The following PPP2R2A variants were observed in gnomAD, a reference collection of about 807,000 sequenced individuals.
PPP2R2A encodes protein phosphatase 2 regulatory subunit Balpha.
A neutral mutation model predicts 53.2 loss-of-function variants in PPP2R2A; 9 were observed. The ratio of observed to expected loss-of-function variants is 0.17; its 90% CI spans 0.10 to 0.30. The LOEUF (loss-of-function observed/expected upper bound fraction) is 0.30. Among genes scored for constraint, PPP2R2A ranks in the 10% least tolerant of loss-of-function variants. The probability of loss-of-function intolerance (pLI) is 1.00; values close to 1 mark genes in which losing one functional copy is unlikely to be tolerated. For synonymous variants in PPP2R2A, 169 were observed against 174.2 expected, an observed-to-expected ratio of 0.97 and a Z score of 0.23; for missense variants, 235 against 534.6, an observed-to-expected ratio of 0.44 and a Z score of 5.53.
intron 3 of PPP2R2A, among the ~76,000 whole-genome samples, chr8:26,341,933 C>G (rs1390732073): frequency 1.3e-5 from 2 of 152,182 alleles, no homozygotes; most frequent in African/African-American, 2.4e-5. Context: ...TAGCTAGTCT[C>G]CTTCCTGTGA....
At chr8:26,299,160 G>A (rs1801671634) in intron 2 of PPP2R2A, among the ~76,000 whole-genome samples, 1 of 151,990 alleles carries the variant, frequency 6.6e-6, no homozygotes, top group Non-Finnish European at 1.5e-5. Context: ...TGTAGTCCCA[G>A]CTACTAAGGA....
chr8:26,292,451 G>C (rs1398162803), intron 1 of PPP2R2A: 1 of 983,938 alleles, frequency 1.0e-6, no homozygotes, highest in Non-Finnish European at 1.2e-6. Context: ...TGTACAGCAA[G>C]TTGCATGAAA....
intron 9 of PPP2R2A, among the ~76,000 whole-genome samples, chr8:26,369,043 G>A (rs1188950580): frequency 2.0e-5 from 3 of 150,764 alleles, no homozygotes; most frequent in Non-Finnish European, 3.0e-5. Flanking sequence ...AGGAGGCAGA[G>A]CTTGCAGTGA....
rs190960208 is a variant in PPP2R2A at position 26,308,700 on chromosome 8, T to G, written c.82+14960T>G. Among the ~76,000 whole-genome samples the G allele has an allele frequency of 7.9e-5, 12 of 152,324 alleles. No homozygotes were observed. In the East Asian group the frequency reaches 2.3e-3, roughly 29 times the overall value. On this transcript the variant is annotated intron_variant, in intron 2 of 9. Coordinates refer to ENST00000380737, the MANE Select transcript of PPP2R2A (RefSeq NM_002717.4). Reference sequence around the variant, plus strand: ...CCGTGAGTACTGGAATCAGCTCCTTTCAGACTCTTGTCAATGTTGATATTT... The same window carrying G: ...CCGTGAGTACTGGAATCAGCTCCTTGCAGACTCTTGTCAATGTTGATATTT...
At chr8:26,302,370 A>G (rs112811450) in intron 2 of PPP2R2A, among the ~76,000 whole-genome samples, 5 of 152,352 alleles carry the variant, frequency 3.3e-5, no homozygotes, top group African/African-American at 1.2e-4. Context: ...CAGTAGTCAT[A>G]TTAACGAATG....
chr8:26,352,744 A>G (rs915965106), intron 3 of PPP2R2A, among the ~76,000 whole-genome samples: 1 of 152,196 alleles, frequency 6.6e-6, no homozygotes, highest in Admixed American at 6.5e-5. Context: ...GTCTACAGGA[A>G]GATGTTCATG....
At chr8:26,341,934 C>T (rs1294780309) in intron 3 of PPP2R2A, among the ~76,000 whole-genome samples, 1 of 152,166 alleles carries the variant, frequency 6.6e-6, no homozygotes, top group Non-Finnish European at 1.5e-5. Context: ...AGCTAGTCTC[C>T]TTCCTGTGAT....
intron 2 of PPP2R2A, 112 bp downstream of exon 2, chr8:26,293,852 C>T (rs996020203): frequency 1.0e-6 from 1 of 981,772 alleles, no homozygotes; most frequent in Middle Eastern, 2.2e-4. Context: ...ATTTTGTTGT[C>T]CAAGAAATGT....
At chr8:26,301,192 A>G (rs17835198) in intron 2 of PPP2R2A, among the ~76,000 whole-genome samples, 5,989 of 152,258 alleles carry the variant, frequency 0.039, 178 homozygotes, top group South Asian at 0.12. Context: ...AAGGCGTTTG[A>G]TGTTGAACTG....
intron 2 of PPP2R2A, among the ~76,000 whole-genome samples, chr8:26,323,375 C>G (rs1802937152): frequency 6.6e-6 from 1 of 152,162 alleles, no homozygotes; most frequent in Non-Finnish European, 1.5e-5. Context: ...TGGGTGTCCC[C>G]CCATTCAGTT....
chr8:26,343,502 G>A (rs779582069), intron 3 of PPP2R2A, among the ~76,000 whole-genome samples: 2 of 151,674 alleles, frequency 1.3e-5, no homozygotes, highest in Non-Finnish European at 2.9e-5. Flanking sequence ...CTCCTGAGTA[G>A]CTGGGACTAC....
intron 2 of PPP2R2A, among the ~76,000 whole-genome samples, chr8:26,330,956 G>C (rs764271300): frequency 6.6e-6 from 1 of 152,138 alleles, no homozygotes; most frequent in Non-Finnish European, 1.5e-5. Flanking sequence ...TGATTACTAA[G>C]GTGTGACACT....
At chr8:26,316,234 G>C (rs1802549977) in intron 2 of PPP2R2A, among the ~76,000 whole-genome samples, 1 of 152,014 alleles carries the variant, frequency 6.6e-6, no homozygotes, top group East Asian at 1.9e-4. Flanking sequence ...TCTCGAACTT[G>C]TGAGCTCAGG....
chr8:26,300,434 G>T (rs1457604618), intron 2 of PPP2R2A, among the ~76,000 whole-genome samples: 1 of 152,136 alleles, frequency 6.6e-6, no homozygotes, highest in Non-Finnish European at 1.5e-5. Context: ...AAAACTGAAG[G>T]ATTGGAAATA....
Position 26,362,659 on chromosome 8 carries a change from A to T in PPP2R2A, c.638-25A>T. On this transcript the variant is annotated intron_variant, in intron 6 of 9. Coordinates refer to ENST00000380737, the MANE Select transcript of PPP2R2A (RefSeq NM_002717.4). This position sits in a 1 kb window ranked among gnomAD's most constrained non-coding sequence, Gnocchi z 4.4. ...ATATTTGCCCTTTTTTCTAAGTGGA[A>T]ATTCCTTAATAAAATGTTATCTAGA... 6.2e-7 allele frequency: 1 copy of T among 1,604,976 alleles called. No homozygotes were observed. Among genetic ancestry groups the T allele is most frequent in the Non-Finnish European group, 8.5e-7 (1 of 1,174,092 alleles).
At chr8:26,334,030 CTT>C (rs1006792981) in intron 2 of PPP2R2A, among the ~76,000 whole-genome samples, 2 of 152,002 alleles carry the variant, frequency 1.3e-5, no homozygotes, top group South Asian at 2.1e-4. Context: ...CAAAAATACT[CTT>C]ATGCCTTTTA....
intron 2 of PPP2R2A, among the ~76,000 whole-genome samples, chr8:26,303,562 A>G (rs1801883302): frequency 6.6e-6 from 1 of 152,204 alleles, no homozygotes; most frequent in Admixed American, 6.5e-5. Context: ...AGAGGGAACA[A>G]TGTTTTTCTG....
chr8:26,368,533 ACTTTTATAAATATTTG>A (rs1158985596), intron 9 of PPP2R2A, among the ~76,000 whole-genome samples: 3 of 152,386 alleles, frequency 2.0e-5, no homozygotes, highest in African/African-American at 7.2e-5. Flanking sequence ...TTAAACTGAT[ACTTTTATAAATATTTG>A]CTTAAAATGT....
At chr8:26,366,736 A>G (rs536184244) in intron 9 of PPP2R2A, among the ~76,000 whole-genome samples, 5 of 152,268 alleles carry the variant, frequency 3.3e-5, no homozygotes, top group African/African-American at 1.2e-4. Flanking sequence ...AGAAACATTC[A>G]GGCGGCAGAT....
Sources: allele counts gnomAD v4.1 joint callset (sites outside exome capture counted in the v4.1 genomes callset), GRCh38; gene constraint gnomAD v4.1.1; non-coding constraint Gnocchi (gnomAD v3.1); transcripts MANE v1.5; gene names NCBI Gene and HGNC (gene_info 2026-07-23, HGNC 2026-07-21).